The following PKMYT1 variants were observed in gnomAD, a reference collection of about 807,000 sequenced individuals.
PKMYT1 encodes the protein membrane-associated tyrosine- and threonine-specific cdc2-inhibitory kinase.
A neutral mutation model predicts 49.7 loss-of-function variants in PKMYT1; 35 were observed. The observed-to-expected ratio is 0.70, with a 90% confidence interval of 0.54 to 0.93. The LOEUF (loss-of-function observed/expected upper bound fraction) is 0.93. Ranked by LOEUF, PKMYT1 falls within the 40% of genes least tolerant of loss-of-function variation. PKMYT1 has a pLI of 0.00. For synonymous variants in PKMYT1, 331 were observed against 287.6 expected (o/e 1.15, Z -1.53); for missense variants, 677 against 673.1 (o/e 1.01, Z -0.06).
Position 2,975,502 on chromosome 16 carries a change from A to C in PKMYT1, c.689T>G (p.Val230Gly). 3.7e-6 allele frequency: 6 copies of C among 1,612,758 alleles called. No individual in the cohort carries two copies. The highest frequency in any genetic ancestry group is 5.1e-6 in the Non-Finnish European group (6 of 1,179,916). Residue 230 changes from valine (V) to glycine (G), a missense_variant, in exon 4 of 9, where the codon GTG becomes GGG. Coordinates refer to ENST00000262300, the MANE Select transcript of PKMYT1 (RefSeq NM_004203.5). ...GTTGGCAGGCTTGACATCAAGGTGC[A>C]CCAGGCCCTGGCTGTGCAGATGGGC... ...ALAHLHSQGLVHLDVKPANIF... is the reference protein window; with the variant it reads ...ALAHLHSQGLGHLDVKPANIF...
chr16:2,979,807 C>T lies in PKMYT1; in HGVS notation c.-150G>A. 1.2e-6 allele frequency: 1 copy of T among 845,724 alleles called. No homozygotes were observed. Among genetic ancestry groups the T allele is most frequent in the South Asian group, 1.5e-5 (1 of 66,240 alleles). The allele number at this position is 845,724 out of a possible 1,614,324, so 52.4% of individuals were successfully genotyped here. A position where few individuals can be genotyped will look rare whatever the true frequency, so the allele number is the denominator to read the frequency against. Reference sequence around the variant, plus strand: ...TGGGCGATCGGGCCGTCTCGCCTCACCCTCTCACCAGGCCCGACACATCTG... The same window carrying T: ...TGGGCGATCGGGCCGTCTCGCCTCATCCTCTCACCAGGCCCGACACATCTG... On this transcript the variant is annotated 5_prime_UTR_variant, in exon 2 of 9. It adds an upstream start codon to the 5' untranslated region. Transcript: ENST00000262300.
chr16:2,976,218 G>T (rs2072189506), intron 3 of PKMYT1: 1 of 218,396 alleles, frequency 4.6e-6, no homozygotes, highest in Admixed American at 5.7e-5. Flanking sequence ...TCATACAAGG[G>T]AAAACTCCTC....
Position 2,974,536 on chromosome 16 carries a change from C to T in PKMYT1, c.979+14G>A. ...AGCCCGTGGCAGCACCCCCTCCCGC[C>T]CTCACCTACTCACCGGCAGTGAACT... On this transcript the variant is annotated intron_variant, in intron 5 of 8. Coordinates refer to ENST00000262300, the MANE Select transcript of PKMYT1 (RefSeq NM_004203.5). The T allele has an allele frequency of 1.3e-6, 2 of 1,553,434 alleles. No homozygotes were observed. The highest frequency in any genetic ancestry group is 1.7e-6 in the Non-Finnish European group (2 of 1,146,386).
At chr16:2,980,047 C>A in intron 1 of PKMYT1, 135 bp from the exon 2 acceptor site, 1 of 249,698 alleles carries the variant, frequency 4.0e-6, no homozygotes, top group Non-Finnish European at 7.9e-6. Context: ...GGTTGATGGA[C>A]AGCAGGCGGG....
chr16:2,973,416 G>GC, intron 7 of PKMYT1: 1 of 1,533,736 alleles, frequency 6.5e-7, no homozygotes, highest in South Asian at 1.2e-5. Context: ...GCACTCCAAG[G>GC]CCCCCTCTGT....
At chr16:2,976,055 G>T (rs747231297) in intron 3 of PKMYT1, 16 of 492,114 alleles carry the variant, frequency 3.3e-5, no homozygotes, top group African/African-American at 5.8e-5. Context: ...GACCCCAGGG[G>T]ACCTCTTGGA....
Position 2,972,903 on chromosome 16 carries a change from G to T in PKMYT1, c.*50C>A. On this transcript the variant is annotated 3_prime_UTR_variant, in exon 9 of 9. Transcript: ENST00000262300. ...AGGGGCCCCAGCTTTCAAGGGCGAC[G>T]GGAGAGACACAGGATAAAAGGTTAA... 1.3e-6 allele frequency: 2 copies of T among 1,558,404 alleles called. No homozygotes were observed. The highest frequency in any genetic ancestry group is 1.2e-5 in the South Asian group (1 of 85,324).
chr16:2,978,168 G>A (rs953855658), intron 2 of PKMYT1, among the ~76,000 whole-genome samples: 1 of 152,184 alleles, frequency 6.6e-6, no homozygotes, highest in African/African-American at 2.4e-5. Context: ...AGGGGTAGAC[G>A]TAGGTCATAA....
intron 8 of PKMYT1, 32 bp from the exon 9 acceptor site, chr16:2,973,096 C>G: frequency 6.4e-7 from 1 of 1,573,606 alleles, no homozygotes; most frequent in Non-Finnish European, 8.6e-7. Context: ...ACTCAGGATC[C>G]AAAAGCTAGC....
intron 4 of PKMYT1, 100 bp downstream of exon 4, chr16:2,975,219 T>C (rs1310685199): frequency 7.3e-7 from 1 of 1,365,286 alleles, no homozygotes; most frequent in East Asian, 2.5e-5. Flanking sequence ...AGGCCGGGTG[T>C]CCTGGGCTAG....
rs777441360 is a variant in PKMYT1 at position 2,975,501 on chromosome 16, C to T, written c.690G>A (p.Val230=). 32 of 1,612,712 alleles carry T rather than the reference C, an allele frequency of 2.0e-5. No homozygotes were observed. The highest frequency in any genetic ancestry group is 2.5e-5 in the Non-Finnish European group (29 of 1,179,940). The part of the protein sequence containing the change: ...ALAHLHSQGL[V]HLDVKPANIF... ...TGTTGGCAGGCTTGACATCAAGGTG[C>T]ACCAGGCCCTGGCTGTGCAGATGGG... is the stretch of plus-strand genomic sequence containing the variant. The change falls in exon 4 of 9, where the codon GTG becomes GTA. Residue 230 remains valine (V), a synonymous_variant. Coordinates refer to ENST00000262300, the MANE Select transcript of PKMYT1 (RefSeq NM_004203.5).
intron 7 of PKMYT1, 191 bp from the exon 8 acceptor site, chr16:2,973,406 G>A (rs2072068318): frequency 1.3e-6 from 2 of 1,535,032 alleles, no homozygotes; most frequent in Non-Finnish European, 8.7e-7. Context: ...CCATCTGGCT[G>A]CACTCCAAGG....
chr16:2,979,277 T>G (rs1387539821), intron 2 of PKMYT1, among the ~76,000 whole-genome samples: 1 of 152,116 alleles, frequency 6.6e-6, no homozygotes, highest in Non-Finnish European at 1.5e-5. Context: ...GAAGTTGCGG[T>G]GAGCCGAGAT....
chr16:2,973,948 G>C, intron 7 of PKMYT1, 52 bp downstream of exon 7: 6 of 1,576,490 alleles, frequency 3.8e-6, no homozygotes, highest in Non-Finnish European at 4.3e-6. Flanking sequence ...TGGAGCCCCG[G>C]TGATATCCCC....
intron 3 of PKMYT1, among the ~76,000 whole-genome samples, chr16:2,976,371 C>T (rs4149793): frequency 6.6e-5 from 10 of 152,046 alleles, no homozygotes; most frequent in Admixed American, 3.3e-4. Flanking sequence ...GCCGACTCGC[C>T]AAGGACGCTG....
At chr16:2,979,527 G>C in intron 2 of PKMYT1, 121 bp downstream of exon 2, 2 of 799,094 alleles carry the variant, frequency 2.5e-6, no homozygotes, top group Non-Finnish European at 4.4e-6. Flanking sequence ...GAGCCAGGGT[G>C]TTGGGATCCT....
rs748953207 is a variant in PKMYT1 at position 2,975,563 on chromosome 16, C to G, written c.628G>C (p.Val210Leu). 1 of 1,611,972 alleles carries G rather than the reference C, an allele frequency of 6.2e-7. No homozygotes were observed. Among genetic ancestry groups the G allele is most frequent in the Admixed American group, 1.7e-5 (1 of 59,968 alleles). ...AGCGTGTCCCGCAGGTAGCCCCAGA[C>G]CTGGGCCTCAGGCAGGCTGGCACCC... ...AWGASLPEAQ[V>L]WGYLRDTLLA... Residue 210 changes from valine to leucine, a missense_variant, in exon 4 of 9, where the codon GTC becomes CTC. By Grantham distance (32) the Val-to-Leu change is conservative. Coordinates refer to ENST00000262300, the MANE Select transcript of PKMYT1 (RefSeq NM_004203.5).
At chr16:2,977,410 C>T in intron 2 of PKMYT1, 3 of 1,013,776 alleles carry the variant, frequency 3.0e-6, no homozygotes, top group South Asian at 4.3e-5. Context: ...ACTACACGGG[C>T]CCACGATCCC....
chr16:2,979,356 A>G, intron 2 of PKMYT1: 1 of 336,318 alleles, frequency 3.0e-6, no homozygotes. Context: ...ATAATAGTAA[A>G]TAAAAAATTA....
Sources: gnomAD v4.1 joint callset for allele counts (sites outside exome capture counted in the v4.1 genomes callset) on GRCh38, gnomAD v4.1.1 for gene constraint, MANE v1.5 for transcripts, NCBI Gene and HGNC (gene_info 2026-07-23, HGNC 2026-07-21) for gene names.